TAFA2: variants seen among roughly 807,000 people sequenced by gnomAD.
The protein encoded by TAFA2 is chemokine-like protein TAFA-2.
TAFA2 carries 7 observed loss-of-function variants against 18.8 expected under a neutral mutation model. The observed-to-expected ratio is 0.37, with a 90% CI of 0.21 to 0.70. TAFA2 has a LOEUF of 0.70. Among genes scored for constraint, TAFA2 ranks in the 30% least tolerant of loss-of-function variants. The pLI, the probability that TAFA2 is intolerant of heterozygous loss-of-function variation, is 0.53. For missense variants in TAFA2, 122 were observed against 158.1 expected (o/e 0.77, Z 1.23); for synonymous variants, 60 against 54.2 (o/e 1.11, Z -0.47).
At chr12:62,076,274 T>A (rs997118718) in intron 1 of TAFA2, among the ~76,000 whole-genome samples, 10 of 152,076 alleles carry the variant, frequency 6.6e-5, no homozygotes, top group South Asian at 6.2e-4. Context: ...GAAAAAAAAA[T>A]TTATTTGAAG....
chr12:61,961,441 TA>T (rs1453172891), intron 1 of TAFA2, among the ~76,000 whole-genome samples: 1 of 152,048 alleles, frequency 6.6e-6, no homozygotes, highest in Non-Finnish European at 1.5e-5. Context: ...ATCTGATTTC[TA>T]ATCAAAAATG....
intron 1 of TAFA2, among the ~76,000 whole-genome samples, chr12:61,891,566 T>G (rs1038859722): frequency 6.6e-6 from 1 of 152,026 alleles, no homozygotes; most frequent in African/African-American, 2.4e-5. Flanking sequence ...GAGAATCGCT[T>G]GAACCCGGGA....
At chr12:62,248,327 G>C (rs565467172) in intron 1 of TAFA2, among the ~76,000 whole-genome samples, 2 of 152,202 alleles carry the variant, frequency 1.3e-5, no homozygotes, top group East Asian at 1.9e-4. Flanking sequence ...CATGACACAT[G>C]AGTTGTAATG....
chr12:61,992,371 A>G lies in TAFA2; in HGVS notation c.-1-124945T>C, dbSNP rs145060351. Among the ~76,000 whole-genome samples the G allele has an allele frequency of 8.0e-4, 122 of 152,280 alleles. 1 individual carries two copies. The highest frequency in any genetic ancestry group is 2.6e-3 in the African/African-American group (110 of 41,536). ...TCTCACACTCCACAGGCTTCAATCC[A>G]TAGGCTTATAGTAAAGCCTATAAGC... On this transcript the variant is annotated intron_variant, in intron 1 of 4. Coordinates refer to ENST00000416284, the MANE Select transcript of TAFA2 (RefSeq NM_178539.5).
Position 62,096,011 on chromosome 12 carries a change from C to T in TAFA2, c.-2+95248G>A, listed in dbSNP as rs184258895. ...TTTACAAAGACTGATATTAGCAAAA[C>T]ATCTCTCTAAATTGGCATATCTTTA... is the stretch of plus-strand genomic sequence containing the variant. On this transcript the variant is annotated intron_variant, in intron 1 of 4. Coordinates refer to ENST00000416284, the MANE Select transcript of TAFA2 (RefSeq NM_178539.5). 7.2e-5 allele frequency among the ~76,000 whole-genome samples: 11 copies of T among 152,236 alleles called. 1 individual carries two copies. The highest frequency in any genetic ancestry group is 2.1e-4 in the South Asian group (1 of 4,828).
intron 1 of TAFA2, among the ~76,000 whole-genome samples, chr12:61,901,657 T>C (rs1220935194): frequency 6.6e-6 from 1 of 152,148 alleles, no homozygotes; most frequent in Non-Finnish European, 1.5e-5. Flanking sequence ...GTAAAAATTA[T>C]TTTTTTCAGG....
At chr12:61,714,064 A>ACTGAAACTGATTTTATT (rs1214866883) in intron 4 of TAFA2, among the ~76,000 whole-genome samples, 1 of 152,198 alleles carries the variant, frequency 6.6e-6, no homozygotes, top group Non-Finnish European at 1.5e-5. Context: ...AGTAACTAAA[A>ACTGAAACTGATTTTATT]GCAGGAGGTT....
intron 1 of TAFA2, among the ~76,000 whole-genome samples, chr12:62,173,007 GA>G (rs1405332813): frequency 1.3e-5 from 2 of 152,126 alleles, no homozygotes. Context: ...TCTTTGTGAG[GA>G]ATACATGAAC....
intron 2 of TAFA2, among the ~76,000 whole-genome samples, chr12:61,788,192 C>A (rs758711487): frequency 7.3e-5 from 11 of 151,534 alleles, no homozygotes; most frequent in Non-Finnish European, 1.5e-4. Flanking sequence ...CTGGACCACC[C>A]AAATATAGAG....
chr12:62,087,997 C>T (rs568319930), intron 1 of TAFA2, among the ~76,000 whole-genome samples: 1 of 152,108 alleles, frequency 6.6e-6, no homozygotes, highest in East Asian at 1.9e-4. Context: ...TGTCTGTTGT[C>T]CCAGTGCCCT....
intron 2 of TAFA2, among the ~76,000 whole-genome samples, chr12:61,842,700 C>T (rs922103360): frequency 6.6e-5 from 10 of 151,964 alleles, no homozygotes; most frequent in African/African-American, 2.2e-4. Flanking sequence ...TATTTGATGG[C>T]ATTTTAATTT....
At chr12:61,847,423 A>G (rs1407974213) in intron 2 of TAFA2, among the ~76,000 whole-genome samples, 3 of 152,206 alleles carry the variant, frequency 2.0e-5, no homozygotes, top group African/African-American at 7.2e-5. Context: ...ACTGGGAAAT[A>G]AAATGTTTGG....
chr12:61,766,081 A>T (rs1054062595), intron 2 of TAFA2, among the ~76,000 whole-genome samples: 1 of 151,996 alleles, frequency 6.6e-6, no homozygotes, highest in Non-Finnish European at 1.5e-5. Flanking sequence ...TAGCTTAGGC[A>T]TCCTTAACAT....
rs200065580 is a variant in TAFA2 at position 62,238,685 on chromosome 12, CTTTA to C, written c.-130+20074_-130+20077del. ...CACAAGATTTAGAGCAGAAATTATA[CTTTA>C]TTTATCTTTTTAGCCCTGATAACTA... On this transcript the variant is annotated intron_variant, in intron 1 of 5. Transcript: ENST00000551619. Among the ~76,000 whole-genome samples the C allele has an allele frequency of 3.7e-4, 57 of 152,262 alleles. No individual in the cohort carries two copies. In the East Asian group the frequency reaches 3.9e-3, roughly 10 times the overall value.
At chr12:62,129,031 G>A (rs1444157397) in intron 1 of TAFA2, among the ~76,000 whole-genome samples, 1 of 152,034 alleles carries the variant, frequency 6.6e-6, no homozygotes, top group African/African-American at 2.4e-5. Context: ...GCTCTAGCCT[G>A]AATGTGAAGA....
intron 1 of TAFA2, among the ~76,000 whole-genome samples, chr12:61,966,440 T>C (rs1452280760): frequency 6.6e-6 from 1 of 151,940 alleles, no homozygotes; most frequent in Admixed American, 6.6e-5. Flanking sequence ...GGGGCCTTTA[T>C]GGCCTAATCA....
chr12:61,807,720 C>T (rs148070212), intron 2 of TAFA2, among the ~76,000 whole-genome samples: 1,518 of 151,530 alleles, frequency 0.01, 10 homozygotes, highest in Non-Finnish European at 0.015. Flanking sequence ...CTTGCATCGG[C>T]GTGACCTGGA....
intron 1 of TAFA2, among the ~76,000 whole-genome samples, chr12:62,175,462 C>A (rs545845944): frequency 6.6e-6 from 1 of 152,182 alleles, no homozygotes; most frequent in South Asian, 2.1e-4. Flanking sequence ...AAGAAAGATA[C>A]CTGAAATGCC....
At chr12:61,894,933 G>A (rs1197591634) in intron 1 of TAFA2, among the ~76,000 whole-genome samples, 1 of 152,090 alleles carries the variant, frequency 6.6e-6, no homozygotes, top group Non-Finnish European at 1.5e-5. Context: ...CACTGTCCAG[G>A]CTAAACAGGC....
Sources: gnomAD v4.1 joint callset for allele counts (sites outside exome capture counted in the v4.1 genomes callset) on GRCh38, gnomAD v4.1.1 for gene constraint, MANE v1.5 for transcripts, NCBI Gene and HGNC (gene_info 2026-07-23, HGNC 2026-07-21) for gene names.